Variants in PLEKHA5 observed in about 807,000 individuals in gnomAD.
PLEKHA5 encodes pleckstrin homology domain containing A5.
Under a neutral mutation model 181.9 loss-of-function variants are expected in PLEKHA5, and 55 were observed. The ratio of observed to expected loss-of-function variants is 0.30; its 90% CI spans 0.24 to 0.38. The LOEUF is 0.38. Among genes scored for constraint, PLEKHA5 ranks in the 10% least tolerant of loss-of-function variants. PLEKHA5 has a pLI of 1.00. For missense variants in PLEKHA5, 1,432 were observed against 1,549.5 expected (o/e 0.92, Z 1.27); for synonymous variants, 535 against 529.4 (o/e 1.01, Z -0.15).
intron 3 of PLEKHA5, among the ~76,000 whole-genome samples, chr12:19,165,872 CACTT>C (rs1175916632): frequency 6.6e-6 from 1 of 152,186 alleles, no homozygotes; most frequent in Non-Finnish European, 1.5e-5. Context: ...AGTACATCCT[CACTT>C]AATGTTGTCA....
At position 19,329,435 on chromosome 12, in the gene PLEKHA5, A is replaced by G. The variant is rs376847474; in HGVS notation, c.2448+6768A>G. On this transcript the variant is annotated intron_variant, in intron 20 of 31. Coordinates refer to ENST00000429027, the MANE Select transcript of PLEKHA5 (RefSeq NM_001256470.2). ...AATACCAGCTCTTTGTATGTCTGGT[A>G]GAAATCGGCTGTGAATCCATCTGAT... 9.2e-5 allele frequency among the ~76,000 whole-genome samples: 14 copies of G among 152,294 alleles called. No individual in the cohort carries two copies. In the East Asian group the frequency reaches 2.5e-3, roughly 27 times the overall value.
At chr12:19,174,287 C>T (rs981381560) in intron 3 of PLEKHA5, among the ~76,000 whole-genome samples, 6 of 152,108 alleles carry the variant, frequency 3.9e-5, no homozygotes, top group Non-Finnish European at 8.8e-5. Context: ...TGCTAAACTG[C>T]TCTTAAAATG....
intron 3 of PLEKHA5, among the ~76,000 whole-genome samples, chr12:19,182,659 G>A (rs184169330): frequency 2.2e-4 from 34 of 152,200 alleles, no homozygotes; most frequent in South Asian, 1.2e-3. Context: ...CATTATTGCC[G>A]TCAGAATTAT....
At chr12:19,185,886 G>T (rs562379597) in intron 3 of PLEKHA5, among the ~76,000 whole-genome samples, 56 of 152,256 alleles carry the variant, frequency 3.7e-4, no homozygotes, top group African/African-American at 1.3e-3. Context: ...TAGTTGAGGG[G>T]ATGGGATATT....
At chr12:19,279,966 A>G (rs1417970434) in intron 11 of PLEKHA5, among the ~76,000 whole-genome samples, 1 of 151,364 alleles carries the variant, frequency 6.6e-6, no homozygotes, top group Non-Finnish European at 1.5e-5. Context: ...ATAGACACAA[A>G]TTATGCCGGC....
intron 2 of PLEKHA5, among the ~76,000 whole-genome samples, chr12:19,132,010 C>A (rs760743308): frequency 6.6e-6 from 1 of 152,010 alleles, no homozygotes. Flanking sequence ...TAAATAGACA[C>A]AATATACCCA....
intron 3 of PLEKHA5, among the ~76,000 whole-genome samples, chr12:19,182,181 G>A (rs751281206): frequency 6.6e-6 from 1 of 152,136 alleles, no homozygotes; most frequent in Non-Finnish European, 1.5e-5. Flanking sequence ...GTTAACACAT[G>A]CTCCTAAAAT....
intron 3 of PLEKHA5, among the ~76,000 whole-genome samples, chr12:19,156,214 GT>G (rs60021967): frequency 2.1e-5 from 3 of 145,096 alleles, no homozygotes; most frequent in African/African-American, 7.6e-5. Context: ...TCCTTTTTTT[GT>G]TTTTTTTTTT....
At chr12:19,152,937 C>T (rs1591826968) in intron 3 of PLEKHA5, 1 of 151,654 alleles carries the variant, frequency 6.6e-6, no homozygotes, top group African/African-American at 2.4e-5. Flanking sequence ...GATCTTTTGA[C>T]GAACAGAGTT....
chr12:19,203,312 T>C (rs1266951771), intron 3 of PLEKHA5, among the ~76,000 whole-genome samples: 5 of 152,080 alleles, frequency 3.3e-5, no homozygotes, highest in Non-Finnish European at 7.4e-5. Flanking sequence ...TCCCTCACTC[T>C]TCCATTATCC....
chr12:19,248,039 TC>T (rs1229642187), intron 3 of PLEKHA5, among the ~76,000 whole-genome samples: 2 of 151,968 alleles, frequency 1.3e-5, no homozygotes, highest in African/African-American at 4.8e-5. Context: ...CAAACATTTC[TC>T]CTGCTTCAGC....
intron 10 of PLEKHA5, among the ~76,000 whole-genome samples, chr12:19,271,198 G>A (rs1281139346): frequency 6.6e-6 from 1 of 152,164 alleles, no homozygotes; most frequent in East Asian, 1.9e-4. Flanking sequence ...GAGAAAATGT[G>A]TAGGTGAAGA....
chr12:19,354,626 G>A (rs926659396), intron 26 of PLEKHA5, among the ~76,000 whole-genome samples: 15 of 150,764 alleles, frequency 9.9e-5, no homozygotes, highest in Admixed American at 4.0e-4. Context: ...GACTACAGGC[G>A]CCCACCACCA....
chr12:19,143,789 A>G (rs2038122169), intron 3 of PLEKHA5, among the ~76,000 whole-genome samples: 1 of 152,136 alleles, frequency 6.6e-6, no homozygotes, highest in African/African-American at 2.4e-5. Context: ...GTATCCTTAT[A>G]TCGTTATATA....
intron 3 of PLEKHA5, among the ~76,000 whole-genome samples, chr12:19,223,397 T>C (rs1185900410): frequency 6.6e-6 from 1 of 152,172 alleles, no homozygotes; most frequent in Non-Finnish European, 1.5e-5. Context: ...TAGGAATGTT[T>C]ATATAGTTGT....
chr12:19,264,603 C>T (rs371476724), intron 7 of PLEKHA5, among the ~76,000 whole-genome samples: 11 of 152,202 alleles, frequency 7.2e-5, no homozygotes, highest in South Asian at 2.1e-4. Flanking sequence ...TACGCATTAA[C>T]GAATCGTACC....
In PLEKHA5 at chr12:19,223,093, C is replaced by A. The variant is rs371928887; in HGVS notation, c.228-30847C>A. On this transcript the variant is annotated intron_variant, in intron 3 of 31. Coordinates refer to ENST00000429027, the MANE Select transcript of PLEKHA5 (RefSeq NM_001256470.2). ...TAGGCAGGCCTAGCCTAATTTTGAT[C>A]CCTGTATCCAAAATGTTGCTGAGTG... is the stretch of plus-strand genomic sequence containing the variant. Among the ~76,000 whole-genome samples, 5 of 149,436 alleles carry A rather than the reference C, an allele frequency of 3.3e-5. No homozygotes were observed. In the East Asian group the frequency reaches 8.0e-4, roughly 24 times the overall value.
chr12:19,247,727 A>G (rs924624566), intron 3 of PLEKHA5, among the ~76,000 whole-genome samples: 1 of 151,668 alleles, frequency 6.6e-6, no homozygotes, highest in African/African-American at 2.4e-5. Context: ...GTTGCTATTT[A>G]TCAATTCCTT....
chr12:19,240,912 G>A (rs912551824), intron 3 of PLEKHA5, among the ~76,000 whole-genome samples: 1 of 152,126 alleles, frequency 6.6e-6, no homozygotes, highest in Admixed American at 6.6e-5. Flanking sequence ...AACTTTTCGA[G>A]TAAGTATTCT....
Sources: allele counts gnomAD v4.1 joint callset (sites outside exome capture counted in the v4.1 genomes callset), GRCh38; gene constraint gnomAD v4.1.1; transcripts MANE v1.5; gene names NCBI Gene and HGNC (gene_info 2026-07-23, HGNC 2026-07-21).